TYW1: variants seen among roughly 807,000 people sequenced by gnomAD.
The protein encoded by TYW1 is S-adenosyl-L-methionine-dependent tRNA 4-demethylwyosine synthase TYW1.
Under a neutral mutation model 96.2 loss-of-function variants are expected in TYW1, and 46 were observed. That is an observed-to-expected ratio of 0.48 (90% CI 0.38 to 0.61). The LOEUF (loss-of-function observed/expected upper bound fraction) is 0.61, where lower values mean the gene tolerates loss of function less well. Ranked by LOEUF, TYW1 falls within the 20% of genes least tolerant of loss-of-function variation. The probability of loss-of-function intolerance (pLI) is 0.00; values close to 1 mark genes in which losing one functional copy is unlikely to be tolerated. For missense variants in TYW1, 684 were observed against 909.6 expected, an observed-to-expected ratio of 0.75 and a Z score of 3.19; for synonymous variants, 274 against 323.0, an observed-to-expected ratio of 0.85 and a Z score of 1.63.
intron 13 of TYW1, among the ~76,000 whole-genome samples, chr7:67,170,255 A>G (rs182608197): frequency 6.6e-6 from 1 of 152,280 alleles, no homozygotes; most frequent in African/African-American, 2.4e-5. Flanking sequence ...TATGGGTTTT[A>G]TTTGTGGACT....
chr7:67,195,427 T>C (rs996450808), intron 15 of TYW1, 90 bp downstream of exon 15: 31 of 1,581,776 alleles, frequency 2.0e-5, no homozygotes, highest in Admixed American at 1.2e-4. Flanking sequence ...TACATTGTTA[T>C]AGGGATTATC....
chr7:67,171,866 T>A (rs1173451591), intron 13 of TYW1, among the ~76,000 whole-genome samples: 2 of 152,164 alleles, frequency 1.3e-5, no homozygotes, highest in Non-Finnish European at 2.9e-5. Flanking sequence ...TATATTTAAG[T>A]TATATCTCCA....
chr7:67,105,832 A>T (rs1441899333), intron 12 of TYW1, among the ~76,000 whole-genome samples: 1 of 151,886 alleles, frequency 6.6e-6, no homozygotes, highest in African/African-American at 2.4e-5. Flanking sequence ...TGTGTGTTTC[A>T]TATGCAGTCT....
intron 13 of TYW1, among the ~76,000 whole-genome samples, chr7:67,137,210 C>G (rs1798292125): frequency 6.6e-6 from 1 of 152,148 alleles, no homozygotes; most frequent in African/African-American, 2.4e-5. Flanking sequence ...GATGCTAGAA[C>G]TAAAAGTTAT....
chr7:67,086,892 A>C (rs576291140), intron 11 of TYW1, among the ~76,000 whole-genome samples: 46 of 152,254 alleles, frequency 3.0e-4, no homozygotes, highest in Non-Finnish European at 5.3e-4. Context: ...AAATGCCAGT[A>C]CTTTTATTTT....
At chr7:67,225,126 G>A (rs188828051) in intron 15 of TYW1, among the ~76,000 whole-genome samples, 36 of 150,886 alleles carry the variant, frequency 2.4e-4, no homozygotes, top group African/African-American at 8.3e-4. Context: ...AGGAGGCAGA[G>A]GTTGCAGTGA....
At chr7:67,210,113 A>G (rs1256905560) in intron 15 of TYW1, among the ~76,000 whole-genome samples, 1 of 152,086 alleles carries the variant, frequency 6.6e-6, no homozygotes, top group African/African-American at 2.4e-5. Context: ...CTAGGATCCC[A>G]TTACATTTAG....
chr7:67,109,546 T>G (rs564836616), intron 12 of TYW1, among the ~76,000 whole-genome samples: 1 of 152,286 alleles, frequency 6.6e-6, no homozygotes, highest in African/African-American at 2.4e-5. Context: ...CTTTGTGATG[T>G]TAACTTGTTC....
intron 10 of TYW1, among the ~76,000 whole-genome samples, chr7:67,077,010 G>A (rs1257495805): frequency 6.6e-6 from 1 of 152,050 alleles, no homozygotes; most frequent in Admixed American, 6.6e-5. Context: ...CTGACCTCAA[G>A]TGATCCACTG....
chr7:67,009,865 T>G (rs2129239480), intron 4 of TYW1, 181 bp downstream of exon 4: 1 of 616,652 alleles, frequency 1.6e-6, no homozygotes, highest in East Asian at 3.1e-5. Context: ...GGTTCACTGA[T>G]TCTCACGTGG....
chr7:67,031,894 T>C (rs1794684460), intron 7 of TYW1, among the ~76,000 whole-genome samples: 1 of 152,178 alleles, frequency 6.6e-6, no homozygotes, highest in Admixed American at 6.6e-5. Context: ...TGACCCATGT[T>C]CCTGCTGATA....
At chr7:67,078,103 GT>G (rs1015356430) in intron 10 of TYW1, among the ~76,000 whole-genome samples, 8 of 145,934 alleles carry the variant, frequency 5.5e-5, no homozygotes, top group East Asian at 2.0e-4. Flanking sequence ...TTTTGTTTTT[GT>G]TTTTTTTTTG....
chr7:67,033,205 T>G (rs947681308), intron 7 of TYW1, among the ~76,000 whole-genome samples: 33 of 152,092 alleles, frequency 2.2e-4, no homozygotes, highest in African/African-American at 7.2e-4. Context: ...CCAAGAAGTA[T>G]ACTGATGGCT....
At chr7:67,093,464 T>C (rs1455531904) in intron 11 of TYW1, among the ~76,000 whole-genome samples, 2 of 152,354 alleles carry the variant, frequency 1.3e-5, no homozygotes, top group East Asian at 3.9e-4. Context: ...GCCTAGCCGA[T>C]GCTCCTTCCA....
At chr7:67,161,834 A>G (rs1799171062) in intron 13 of TYW1, among the ~76,000 whole-genome samples, 1 of 152,114 alleles carries the variant, frequency 6.6e-6, no homozygotes, top group Non-Finnish European at 1.5e-5. Flanking sequence ...TGTGTCAGAC[A>G]TAAAGTAGAC....
chr7:67,057,388 G>C (rs1321581250), intron 9 of TYW1, among the ~76,000 whole-genome samples: 6 of 147,328 alleles, frequency 4.1e-5, no homozygotes. Flanking sequence ...TTTTTTTTTC[G>C]AGACAGAGTC....
In TYW1 at chr7:67,047,041, T is replaced by C. The variant is rs532353145; in HGVS notation, c.985-2908T>C. 1.3e-4 allele frequency among the ~76,000 whole-genome samples: 20 copies of C among 152,326 alleles called. 2 individuals are homozygous for C. In the South Asian group the frequency reaches 4.1e-3, roughly 32 times the overall value. ...ACCTCGGTCCAGTTTTGGATTTATC[T>C]GGCCTTTGGGTTAAGCAAATAAGCT... is the stretch of plus-strand genomic sequence containing the variant. On this transcript the variant is annotated intron_variant, in intron 7 of 15. Coordinates refer to ENST00000359626, the MANE Select transcript of TYW1 (RefSeq NM_018264.4).
chr7:67,104,213 C>T (rs1253874871), intron 12 of TYW1, among the ~76,000 whole-genome samples: 1 of 152,056 alleles, frequency 6.6e-6, no homozygotes, highest in Non-Finnish European at 1.5e-5. Context: ...TTAGTCTGTT[C>T]TCGCATTGCC....
Position 66,998,047 on chromosome 7 carries a change from G to C in TYW1, c.5-18G>C. The C allele has an allele frequency of 6.4e-7, 1 of 1,571,014 alleles. No individual in the cohort carries two copies. The highest frequency in any genetic ancestry group is 2.3e-5 in the East Asian group (1 of 43,846). ...TATGTAGCTTTAAATGAAATTGTGT[G>C]TGTCATTTTAAATTTAGATCCTTCT... On this transcript the variant is annotated intron_variant, in intron 1 of 15. Transcript: ENST00000359626.
Sources: allele counts gnomAD v4.1 joint callset (sites outside exome capture counted in the v4.1 genomes callset), GRCh38; gene constraint gnomAD v4.1.1; transcripts MANE v1.5; gene names NCBI Gene and HGNC (gene_info 2026-07-23, HGNC 2026-07-21).